The following RAB36 variants were observed in gnomAD, a reference collection of about 807,000 sequenced individuals.
The protein encoded by RAB36 is RAB36, member RAS oncogene family, also known as ras-related protein Rab-36.
RAB36 carries 33 observed loss-of-function variants against 39.3 expected under a neutral mutation model. That is an observed-to-expected ratio of 0.84 (90% CI 0.64 to 1.12). The LOEUF (loss-of-function observed/expected upper bound fraction) is 1.12, where lower values mean the gene tolerates loss of function less well. RAB36 is among the 50% of genes most tolerant of loss of function. RAB36 has a pLI of 0.00. For missense variants in RAB36, 308 were observed against 355.3 expected (o/e 0.87, Z 1.07); for synonymous variants, 133 against 140.2 (o/e 0.95, Z 0.36).
intron 6 of RAB36, 110 bp downstream of exon 6, chr22:23,156,142 C>CCTCTGAG: frequency 1.2e-6 from 1 of 853,830 alleles, no homozygotes; most frequent in Non-Finnish European, 1.7e-6. Context: ...TTTTGTCCTC[C>CCTCTGAG]AAGACCCACT....
chr22:23,166,550 A>C (rs2072055123), downstream of RAB36, among the ~76,000 whole-genome samples: 1 of 152,204 alleles, frequency 6.6e-6, no homozygotes, highest in South Asian at 2.1e-4. Context: ...TAGCCTCTCC[A>C]GCTGGGTCAG....
chr22:23,156,087 G>A (rs763708326), intron 6 of RAB36, 55 bp downstream of exon 6: 59 of 1,500,932 alleles, frequency 3.9e-5, no homozygotes, highest in South Asian at 9.6e-5. Flanking sequence ...GGTCCCTGCC[G>A]GGCTCCACAG....
In RAB36 at chr22:23,150,091, T is replaced by A; in HGVS notation, c.98T>A (p.Leu33His). The A allele has an allele frequency of 1.9e-6, 3 of 1,612,174 alleles. No homozygotes were observed. Among genetic ancestry groups the A allele is most frequent in the Non-Finnish European group, 2.5e-6 (3 of 1,179,286 alleles). ...KWYTPEACLQ[L>H]REHFHGQVSA... ...TACACGCCGGAAGCCTGTTTGCAGC[T>A]CAGGGAGCACTTCCACGGGCAGGTC... is the stretch of plus-strand genomic sequence containing the variant. The change falls in exon 3 of 11, where the codon CTC becomes CAC. Residue 33 changes from leucine (L) to histidine (H), a missense_variant. Coordinates refer to ENST00000263116, the MANE Select transcript of RAB36 (RefSeq NM_004914.5).
At chr22:23,169,108 T>A (rs575726051), downstream of RAB36, among the ~76,000 whole-genome samples, 13 of 152,336 alleles carry the variant, frequency 8.5e-5, no homozygotes, top group South Asian at 2.5e-3. Flanking sequence ...CAGAAGGCAG[T>A]GGAGTTCCTG....
At position 23,152,938 on chromosome 22, in the gene RAB36, A is replaced by G. The variant is rs2071243839; in HGVS notation, c.228-95A>G. ...ACCATCGCTTCCTGATGGGAAGTGG[A>G]CCTTATTTGCCTAAAGACTTGCAGT... On this transcript the variant is annotated intron_variant, in intron 4 of 10. Coordinates refer to ENST00000263116, the MANE Select transcript of RAB36 (RefSeq NM_004914.5). The G allele has an allele frequency of 4.6e-6, 4 of 874,038 alleles. No individual in the cohort carries two copies. The Admixed American group carries it at 7.7e-5, about 17-fold the overall frequency. The allele number at this position is 874,038 out of a possible 1,614,324, so 54.1% of individuals were successfully genotyped here.
chr22:23,161,695 C>T lies in RAB36; in HGVS notation c.*131C>T. 1.3e-6 allele frequency: 1 copy of T among 762,170 alleles called. No individual in the cohort carries two copies. Among genetic ancestry groups the T allele is most frequent in the Non-Finnish European group, 2.1e-6 (1 of 481,698 alleles). 47.2% of individuals were successfully genotyped at this position (762,170 alleles called of 1,614,324 possible). ...AAGCTGTAGGCCCATGTTCCAGTCCCTCCACCCACCCACCGGGCTCAGCTC... is the reference window on the plus strand; with the variant it reads ...AAGCTGTAGGCCCATGTTCCAGTCCTTCCACCCACCCACCGGGCTCAGCTC... On this transcript the variant is annotated 3_prime_UTR_variant, in exon 11 of 11. Transcript: ENST00000263116.
intron 6 of RAB36, among the ~76,000 whole-genome samples, chr22:23,157,101 G>A (rs1308161240): frequency 1.3e-5 from 2 of 152,190 alleles, no homozygotes; most frequent in African/African-American, 4.8e-5. Flanking sequence ...CCGGGGTGCG[G>A]CCAGTGATGA....
chr22:23,166,147 T>TAA (rs695297), downstream of RAB36, among the ~76,000 whole-genome samples: 929 of 59,866 alleles, frequency 0.016, 24 homozygotes, highest in East Asian at 0.062. Flanking sequence ...CTCTGTCTTT[T>TAA]AAAAAAAAAA....
chr22:23,146,558 G>A (rs757968552), intron 1 of RAB36, 47 bp from the exon 2 acceptor site: 1 of 1,600,982 alleles, frequency 6.2e-7, no homozygotes, highest in Non-Finnish European at 8.5e-7. Context: ...GAATCCCCAG[G>A]TATTTGCACA....
At chr22:23,146,565 C>T (rs777268501) in intron 1 of RAB36, 40 bp from the exon 2 acceptor site, 4 of 1,605,090 alleles carry the variant, frequency 2.5e-6, no homozygotes, top group Admixed American at 1.7e-5. Context: ...CAGGTATTTG[C>T]ACAGCTCCTT....
At position 23,151,700 on chromosome 22, in the gene RAB36, C is replaced by T. The variant is rs563984381; in HGVS notation, c.162-761C>T. On this transcript the variant is annotated intron_variant, in intron 3 of 10. Transcript: ENST00000263116. ...AGTTTGAGACTACTAGCCTGGGCAA[C>T]ACAGCGAGACCCTGTCTCTAAAAAA... is the stretch of plus-strand genomic sequence containing the variant. Among the ~76,000 whole-genome samples the T allele has an allele frequency of 3.9e-5, 6 of 152,282 alleles. No individual in the cohort carries two copies. In the South Asian group the frequency reaches 1.2e-3, roughly 32 times the overall value.
chr22:23,167,924 C>G (rs1385219450), downstream of RAB36, among the ~76,000 whole-genome samples: 1 of 152,036 alleles, frequency 6.6e-6, no homozygotes, highest in African/African-American at 2.4e-5. Flanking sequence ...GTGATCATAG[C>G]TCAGTGCAAC....
Position 23,162,888 on chromosome 22 carries a change from T to A in RAB36, c.*1324T>A. On this transcript the variant is annotated 3_prime_UTR_variant, in exon 11 of 11. Coordinates refer to ENST00000263116, the MANE Select transcript of RAB36 (RefSeq NM_004914.5). ...TTCTATTCATTCCCCCTTCAACATA[T>A]TTTTTGTAGTTTTTTATATAAATGA... is the stretch of plus-strand genomic sequence containing the variant. 1 of 359,304 alleles carries A rather than the reference T, an allele frequency of 2.8e-6. No homozygotes were observed. The highest frequency in any genetic ancestry group is 5.5e-6 in the Non-Finnish European group (1 of 181,588). The allele number at this position is 359,304 out of a possible 1,614,324, so 22.3% of individuals were successfully genotyped here. A position where few individuals can be genotyped will look rare whatever the true frequency, so the allele number is the denominator to read the frequency against.
In RAB36 at chr22:23,160,913, C is replaced by T. The variant is rs376518681; in HGVS notation, c.654C>T (p.Ala218=). The change falls in exon 10 of 11, where the codon GCC becomes GCT. Residue 218 remains alanine, a synonymous_variant. Transcript: ENST00000263116. ...TGAAGGCATTCTTCAGCCGCGTAGC[C>T]GCCCTGGCATTCGAGCAGTCGGTGC... The part of the protein sequence containing the change: ...ENVKAFFSRV[A]ALAFEQSVLQ... The T allele has an allele frequency of 2.0e-5, 33 of 1,613,792 alleles. No homozygotes were observed. The highest frequency in any genetic ancestry group is 1.3e-4 in the East Asian group (6 of 44,894).
At position 23,153,124 on chromosome 22, in the gene RAB36, A is replaced by G. The variant is rs764456517; in HGVS notation, c.319A>G (p.Ser107Gly). 4.3e-6 allele frequency: 7 copies of G among 1,613,718 alleles called. No individual in the cohort carries two copies. The Admixed American group carries it at 8.3e-5, about 19-fold the overall frequency. ...ERFEIAGIPY[S>G]LQIWDTAGQE... ...CTTTGAGATTGCTGGGATTCCCTAT[A>G]GCCTCCAGATGTAAGTTGCTGGTTC... is the stretch of plus-strand genomic sequence containing the variant. Residue 107 changes from serine (S) to glycine (G), a missense_variant, in exon 5 of 11, where the codon AGC becomes GGC. Coordinates refer to ENST00000263116, the MANE Select transcript of RAB36 (RefSeq NM_004914.5).
Position 23,161,691 on chromosome 22 carries a change from GTCCC to G in RAB36, c.*131_*134del. 1 of 803,528 alleles carries G rather than the reference GTCCC, an allele frequency of 1.2e-6. No individual in the cohort carries two copies. Among genetic ancestry groups the G allele is most frequent in the Non-Finnish European group, 1.9e-6 (1 of 516,070 alleles). 49.8% of individuals were successfully genotyped at this position (803,528 alleles called of 1,614,324 possible). ...CCTCAAGCTGTAGGCCCATGTTCCA[GTCCC>G]TCCACCCACCCACCGGGCTCAGCTC... On this transcript the variant is annotated 3_prime_UTR_variant, in exon 11 of 11. Coordinates refer to ENST00000263116, the MANE Select transcript of RAB36 (RefSeq NM_004914.5).
intron 2 of RAB36, among the ~76,000 whole-genome samples, chr22:23,148,018 T>C (rs1237346860): frequency 6.6e-6 from 1 of 152,166 alleles, no homozygotes; most frequent in Non-Finnish European, 1.5e-5. Flanking sequence ...GTTGCCTCTG[T>C]GGCTTCGGAC....
At position 23,150,070 on chromosome 22, in the gene RAB36, C is replaced by T. The variant is rs141582528; in HGVS notation, c.77C>T (p.Thr26Met). The change falls in exon 3 of 11, where the codon ACG (threonine) becomes ATG (methionine). Residue 26 changes from threonine to methionine, a missense_variant. By Grantham distance (81) the Thr-to-Met change is moderately conservative. Transcript: ENST00000263116. ...RVIASFPKWYTPEACLQLREH... is the reference protein window; with the variant it reads ...RVIASFPKWYMPEACLQLREH... Reference sequence around the variant, plus strand: ...CTGTCTGTCTCTTTGCAGTGGTACACGCCGGAAGCCTGTTTGCAGCTCAGG... The same window carrying T: ...CTGTCTGTCTCTTTGCAGTGGTACATGCCGGAAGCCTGTTTGCAGCTCAGG... 3.5e-4 allele frequency: 558 copies of T among 1,608,078 alleles called. 1 individual carries two copies. Among genetic ancestry groups the T allele is most frequent in the Admixed American group, 1.1e-3 (65 of 59,080 alleles).
downstream of RAB36, among the ~76,000 whole-genome samples, chr22:23,168,568 C>T (rs2072088402): frequency 6.6e-6 from 1 of 152,206 alleles, no homozygotes; most frequent in Non-Finnish European, 1.5e-5. Flanking sequence ...AGTTCCCAGG[C>T]TCCTCTGCCA....
Sources: gnomAD v4.1 joint callset for allele counts (sites outside exome capture counted in the v4.1 genomes callset) on GRCh38, gnomAD v4.1.1 for gene constraint, MANE v1.5 for transcripts, NCBI Gene and HGNC (gene_info 2026-07-23, HGNC 2026-07-21) for gene names.